The following ZNF831 variants were observed in gnomAD, a reference collection of about 807,000 sequenced individuals.
ZNF831 encodes zinc finger protein 831.
A neutral mutation model predicts 95.8 loss-of-function variants in ZNF831; 59 were observed. The observed-to-expected ratio is 0.62, with a 90% CI of 0.50 to 0.77. ZNF831 has a LOEUF of 0.77. Among genes scored for constraint, ZNF831 ranks in the 30% least tolerant of loss-of-function variants. ZNF831 has a pLI of 0.00. For missense variants in ZNF831, 2,205 were observed against 2,164.0 expected (o/e 1.02, Z -0.38); for synonymous variants, 961 against 925.5 (o/e 1.04, Z -0.70).
upstream of ZNF831, among the ~76,000 whole-genome samples, chr20:59,159,139 A>G (rs529577966): frequency 6.6e-6 from 1 of 152,316 alleles, no homozygotes; most frequent in East Asian, 1.9e-4. Context: ...GAGGTGTGTT[A>G]TGAAAATAAA....
At chr20:59,221,122 T>A (rs1408111940) in intron 4 of ZNF831, among the ~76,000 whole-genome samples, 1 of 152,178 alleles carries the variant, frequency 6.6e-6, no homozygotes, top group Non-Finnish European at 1.5e-5. Flanking sequence ...AGTGTGTGGT[T>A]ATCATGGCTG....
At chr20:59,142,419 G>A (rs1979711521) in intron 1 of ZNF831, among the ~76,000 whole-genome samples, 1 of 152,222 alleles carries the variant, frequency 6.6e-6, no homozygotes, top group African/African-American at 2.4e-5. Context: ...CTCCGTGAAA[G>A]GCCTGAATCT....
chr20:59,126,061 C>T (rs1243938980), intron 1 of ZNF831, among the ~76,000 whole-genome samples: 1 of 152,134 alleles, frequency 6.6e-6, no homozygotes, highest in African/African-American at 2.4e-5. Context: ...GCAAACGTCC[C>T]CGGCTGGCAG....
At chr20:59,238,969 T>C (rs1987160264) in intron 4 of ZNF831, among the ~76,000 whole-genome samples, 1 of 152,206 alleles carries the variant, frequency 6.6e-6, no homozygotes, top group African/African-American at 2.4e-5. Flanking sequence ...GAGAGAAATA[T>C]TGGAATATTG....
intron 2 of ZNF831, among the ~76,000 whole-genome samples, chr20:59,151,299 C>A (rs778165488): frequency 6.6e-6 from 1 of 152,170 alleles, no homozygotes; most frequent in Non-Finnish European, 1.5e-5. Context: ...GAGGCTCCAG[C>A]ACCCATCTCT....
intron 2 of ZNF831, among the ~76,000 whole-genome samples, chr20:59,151,389 C>T (rs1980226272): frequency 6.6e-6 from 1 of 152,176 alleles, no homozygotes; most frequent in African/African-American, 2.4e-5. Context: ...GGAGAATAAT[C>T]CTAACCACAG....
At chr20:59,252,894 G>C in intron 4 of ZNF831, 84 bp from the exon 5 acceptor site, 1 of 1,449,236 alleles carries the variant, frequency 6.9e-7, no homozygotes, top group Admixed American at 2.2e-5. Flanking sequence ...AGGCGATCAA[G>C]AAGTCATGGA....
At chr20:59,220,509 T>C (rs1177799877) in intron 4 of ZNF831, among the ~76,000 whole-genome samples, 1 of 152,190 alleles carries the variant, frequency 6.6e-6, no homozygotes, top group Non-Finnish European at 1.5e-5. Context: ...TGACACTGAC[T>C]CATAATGGGA....
At chr20:59,210,737 T>G in intron 4 of ZNF831, among the ~76,000 whole-genome samples, 1 of 152,194 alleles carries the variant, frequency 6.6e-6, no homozygotes, top group East Asian at 1.9e-4. Context: ...TCCCTCCATG[T>G]GGGGGAAATC....
rs1983844163 is a variant in ZNF831 at position 59,193,920 on chromosome 20, C to A, written c.2901C>A (p.Leu967=). The part of the protein sequence containing the change: ...PWGPRHSQDS[L]CSSGWPEERA... Reference sequence around the variant, plus strand: ...GACCAAGGCACAGCCAGGACTCTCTCTGCAGCAGTGGGTGGCCTGAAGAAC... The same window carrying A: ...GACCAAGGCACAGCCAGGACTCTCTATGCAGCAGTGGGTGGCCTGAAGAAC... Residue 967 remains leucine (L), a synonymous_variant, in exon 2 of 6, where the codon CTC becomes CTA. Transcript: ENST00000371030. 1 of 1,598,716 alleles carries A rather than the reference C, an allele frequency of 6.3e-7. No homozygotes were observed.
intron 1 of ZNF831, among the ~76,000 whole-genome samples, chr20:59,127,534 C>G (rs1470547188): frequency 6.6e-6 from 1 of 152,236 alleles, no homozygotes; most frequent in African/African-American, 2.4e-5. Context: ...ATGCGTGTTT[C>G]AGCCCAGATG....
At position 59,193,756 on chromosome 20, in the gene ZNF831, C is replaced by A; in HGVS notation, c.2737C>A (p.Pro913Thr). ...ATPLHPAAPA[P>T]AEHPSLATPP... The stretch of plus-strand genomic sequence containing the variant: ...CCCACTGCATCCTGCAGCCCCAGCC[C>A]CCGCAGAGCACCCCTCGCTGGCCAC... Residue 913 changes from proline to threonine, a missense_variant, in exon 2 of 6, where the codon CCC becomes ACC. Transcript: ENST00000371030. 7 of 1,608,970 alleles carry A rather than the reference C, an allele frequency of 4.4e-6. No individual in the cohort carries two copies. Among genetic ancestry groups the A allele is most frequent in the Non-Finnish European group, 5.9e-6 (7 of 1,177,348 alleles).
chr20:59,253,867 C>A (rs376243835), intron 5 of ZNF831, 31 bp from the exon 6 acceptor site: 7 of 1,142,206 alleles, frequency 6.1e-6, no homozygotes, highest in African/African-American at 3.6e-5. Flanking sequence ...CCTCCCCCCC[C>A]ACTTTTTTTT....
intron 4 of ZNF831, among the ~76,000 whole-genome samples, chr20:59,249,226 C>G (rs553497101): frequency 6.6e-6 from 1 of 152,178 alleles, no homozygotes; most frequent in South Asian, 2.1e-4. Context: ...ACAGTCCTCC[C>G]TGGCTACTCT....
intron 4 of ZNF831, among the ~76,000 whole-genome samples, chr20:59,252,492 C>A (rs1600691318): frequency 6.6e-6 from 1 of 152,258 alleles, no homozygotes; most frequent in South Asian, 2.1e-4. Context: ...ATAACCACCA[C>A]AACAAAACAA....
At position 59,192,841 on chromosome 20, in the gene ZNF831, G is replaced by A. The variant is rs778522755; in HGVS notation, c.1822G>A (p.Gly608Ser). 16 of 1,605,326 alleles carry A rather than the reference G, an allele frequency of 1.0e-5. No homozygotes were observed. The East Asian group carries it at 2.5e-4, about 25-fold the overall frequency. Residue 608 changes from glycine to serine, a missense_variant, in exon 2 of 6, where the codon GGC becomes AGC. Coordinates refer to ENST00000371030, the MANE Select transcript of ZNF831 (RefSeq NM_178457.3). The surrounding 1 kb of genome is among the most constrained non-coding windows in gnomAD (Gnocchi z 5.2). ...GGGCAGAGCGGGCGGCAGGAAGTGC[G>A]GCCAGAGAAGGCTGAAGATGTTCTC... ...GKGRAGGRKC[G>S]QRRLKMFSQE...
At chr20:59,151,679 T>A (rs961908750) in intron 2 of ZNF831, among the ~76,000 whole-genome samples, 1 of 152,206 alleles carries the variant, frequency 6.6e-6, no homozygotes, top group African/African-American at 2.4e-5. Context: ...AAGAGAGCAC[T>A]GTTTTGAAAA....
chr20:59,197,119 G>A (rs1486773908), intron 3 of ZNF831, among the ~76,000 whole-genome samples: 2 of 151,976 alleles, frequency 1.3e-5, no homozygotes, highest in Non-Finnish European at 1.5e-5. Context: ...ATTCTTCAAG[G>A]GGCGATCCAA....
intron 1 of ZNF831, among the ~76,000 whole-genome samples, chr20:59,135,066 G>A (rs1601290503): frequency 6.6e-6 from 1 of 151,988 alleles, no homozygotes; most frequent in Non-Finnish European, 1.5e-5. Context: ...TAGCTCTAAG[G>A]AATAACGACT....
Sources: gnomAD v4.1 joint callset for allele counts (sites outside exome capture counted in the v4.1 genomes callset) on GRCh38, gnomAD v4.1.1 for gene constraint, Gnocchi (gnomAD v3.1) non-coding constraint, MANE v1.5 for transcripts, NCBI Gene and HGNC (gene_info 2026-07-23, HGNC 2026-07-21) for gene names.